The following GCKR variants were observed in gnomAD, a reference collection of about 807,000 sequenced individuals.
The protein encoded by GCKR is glucokinase regulator, also known as glucokinase regulatory protein.
A neutral mutation model predicts 82.9 loss-of-function variants in GCKR; 73 were observed. The observed-to-expected ratio is 0.88, with a 90% CI of 0.73 to 1.07. The LOEUF (loss-of-function observed/expected upper bound fraction) is 1.07, where lower values mean the gene tolerates loss of function less well. GCKR is among the 50% of genes least tolerant of loss of function. The pLI is 0.00. For missense variants in GCKR, 784 were observed against 782.1 expected (o/e 1.00, Z -0.03); for synonymous variants, 294 against 291.8 (o/e 1.01, Z -0.08).
intron 16 of GCKR, among the ~76,000 whole-genome samples, chr2:27,512,420 A>G (rs776477106): frequency 1.3e-5 from 2 of 151,426 alleles, no homozygotes; most frequent in African/African-American, 4.9e-5. Context: ...TCATAGTCCC[A>G]GCTACTCGGG....
At chr2:27,517,909 T>A (rs1265788583) in intron 16 of GCKR, among the ~76,000 whole-genome samples, 2 of 152,208 alleles carry the variant, frequency 1.3e-5, no homozygotes, top group Admixed American at 1.3e-4. Flanking sequence ...AGGTCCTCAT[T>A]CTCCATCTCG....
chr2:27,522,695 C>G, intron 18 of GCKR, 101 bp downstream of exon 18: 3 of 987,970 alleles, frequency 3.0e-6, no homozygotes, highest in South Asian at 2.6e-5. Flanking sequence ...CAGTGGCACT[C>G]TGCTCACAAG....
chr2:27,497,074 C>G, intron 1 of GCKR, 110 bp downstream of exon 1: 2 of 1,219,430 alleles, frequency 1.6e-6, no homozygotes, highest in Non-Finnish European at 2.4e-6. Context: ...TCCTGATGTT[C>G]TTTCCCTAAT....
intron 8 of GCKR, among the ~76,000 whole-genome samples, chr2:27,502,047 G>A (rs1669595705): frequency 6.6e-6 from 1 of 152,156 alleles, no homozygotes; most frequent in Non-Finnish European, 1.5e-5. Context: ...ACCTGACAAA[G>A]CTGAGGGCTT....
At position 27,501,232 on chromosome 2, in the gene GCKR, G is replaced by C. The variant is rs1337287614; in HGVS notation, c.644+3G>C. 2 of 1,601,018 alleles carry C rather than the reference G, an allele frequency of 1.2e-6. No homozygotes were observed. Among genetic ancestry groups the C allele is most frequent in the Non-Finnish European group, 1.7e-6 (2 of 1,168,024 alleles). Reference sequence around the variant, plus strand: ...TTCAATCCAGTGAGCATGGCCAGGTGAGCCTTCTGGAATGACTGGGCAGCC... The same window carrying C: ...TTCAATCCAGTGAGCATGGCCAGGTCAGCCTTCTGGAATGACTGGGCAGCC... On this transcript the variant is annotated splice_donor_region_variant and intron_variant, in intron 8 of 18. Coordinates refer to ENST00000264717, the MANE Select transcript of GCKR (RefSeq NM_001486.4).
intron 2 of GCKR, 69 bp downstream of exon 2, chr2:27,497,468 T>C: frequency 1.3e-6 from 2 of 1,586,680 alleles, no homozygotes; most frequent in Non-Finnish European, 1.7e-6. Context: ...CTGCTCTCCC[T>C]CACCATGGCT....
intron 16 of GCKR, 121 bp downstream of exon 16, chr2:27,508,372 C>A: frequency 1.4e-6 from 1 of 739,106 alleles, no homozygotes; most frequent in Non-Finnish European, 2.5e-6. Flanking sequence ...CCTCACAAAG[C>A]CAGCTGGGCA....
rs1351275223 is a variant in GCKR, at chr2:27,497,251, G to T, written c.68G>T (p.Gly23Val). 2 of 1,614,128 alleles carry T rather than the reference G, an allele frequency of 1.2e-6. No homozygotes were observed. Among genetic ancestry groups the T allele is most frequent in the Non-Finnish European group, 1.7e-6 (2 of 1,180,024 alleles). ...GTCCCCTCTTCCTTCTAGTTGTCTG[G>T]GTACGAGGCAGCTGTGCCAATCACG... ...TPEPGKWELSGYEAAVPITEK... is the reference protein window; with the variant it reads ...TPEPGKWELSVYEAAVPITEK... The change falls in exon 2 of 19, where the codon GGG (glycine) becomes GTG (valine). Residue 23 changes from glycine to valine, a missense_variant. Gly to Val is a moderately radical substitution (Grantham distance 109). Transcript: ENST00000264717.
intron 10 of GCKR, 131 bp from the exon 11 acceptor site, chr2:27,506,350 C>G (rs111255123): frequency 1.2e-5 from 9 of 739,130 alleles, no homozygotes; most frequent in South Asian, 1.2e-4. Flanking sequence ...GGCCTACTCT[C>G]TGCACCTCTC....
chr2:27,522,403 C>G (rs1202351818), intron 17 of GCKR, 57 bp from the exon 18 acceptor site: 5 of 1,588,200 alleles, frequency 3.1e-6, no homozygotes, highest in Non-Finnish European at 4.3e-6. Context: ...TCCCTTGACT[C>G]CATTCTTAGT....
In GCKR at chr2:27,513,186, C is replaced by T. The variant is rs577228535; in HGVS notation, c.1422+4935C>T. ...ATGGTAGTTTTTCAATGGTGATTTTCTATTTCTATCCCTTCCATCTATATT... is the reference window on the plus strand; with the variant it reads ...ATGGTAGTTTTTCAATGGTGATTTTTTATTTCTATCCCTTCCATCTATATT... On this transcript the variant is annotated intron_variant, in intron 16 of 18. Transcript: ENST00000264717. 6.8e-4 allele frequency among the ~76,000 whole-genome samples: 103 copies of T among 152,106 alleles called. 3 individuals carry two copies. Among genetic ancestry groups the T allele is most frequent in the Non-Finnish European group, 5.3e-4 (36 of 68,028 alleles).
In GCKR at chr2:27,518,940, A is replaced by C; in HGVS notation, c.1572+3A>C. On this transcript the variant is annotated splice_donor_region_variant and intron_variant, in intron 17 of 18. Coordinates refer to ENST00000264717, the MANE Select transcript of GCKR (RefSeq NM_001486.4). ...GGCGGGCGCTGGCCATGCTGCAGGT[A>C]GGGATATGATGGGGCAGGGTTGGGT... 1.1e-6 allele frequency: 1 copy of C among 906,176 alleles called. No individual in the cohort carries two copies. The highest frequency in any genetic ancestry group is 1.7e-6 in the Non-Finnish European group (1 of 593,560). The allele number at this position is 906,176 out of a possible 1,614,324, so 56.1% of individuals were successfully genotyped here.
intron 17 of GCKR, 121 bp downstream of exon 17, chr2:27,519,058 T>G (rs902589216): frequency 2.4e-6 from 2 of 828,700 alleles, no homozygotes; most frequent in African/African-American, 3.3e-5. Flanking sequence ...TCTGTGTGCT[T>G]CTGCTCCTCC....
intron 12 of GCKR, 28 bp from the exon 13 acceptor site, chr2:27,507,207 C>A (rs111254198): frequency 4.0e-6 from 6 of 1,482,858 alleles, no homozygotes; most frequent in Non-Finnish European, 5.7e-6. Flanking sequence ...GCCAATCACT[C>A]CTCTCTCCTT....
At chr2:27,507,035 C>T (rs1669765678) in intron 12 of GCKR, 150 bp downstream of exon 12, 1 of 781,678 alleles carries the variant, frequency 1.3e-6, no homozygotes, top group Non-Finnish European at 2.3e-6. Context: ...AATTCTTCTT[C>T]CTTAGAACCC....
chr2:27,522,730 G>T (rs1240311504), intron 18 of GCKR, 136 bp downstream of exon 18: 2 of 782,404 alleles, frequency 2.6e-6, no homozygotes, highest in Non-Finnish European at 4.5e-6. Context: ...TGGGGTCTTT[G>T]GACTGGGTTT....
At chr2:27,509,190 T>G (rs1669820935) in intron 16 of GCKR, among the ~76,000 whole-genome samples, 4 of 152,164 alleles carry the variant, frequency 2.6e-5, no homozygotes, top group African/African-American at 9.6e-5. Context: ...AGATGTGGTC[T>G]CTTATTCGTT....
Position 27,523,350 on chromosome 2 carries a change from G to C in GCKR, c.1789G>C (p.Val597Leu), listed in dbSNP as rs772516689. ...AQAHLAAAPS[V>L]CEAVRSALAG... ...GGCACACCTGGCTGCAGCTCCTTCT[G>C]TCTGTGAGGCTGTCAGGAGTGCTCT... The change falls in exon 19 of 19, where the codon GTC (valine) becomes CTC (leucine). Residue 597 changes from valine (V) to leucine (L), a missense_variant. Val to Leu is a conservative substitution (Grantham distance 32). Coordinates refer to ENST00000264717, the MANE Select transcript of GCKR (RefSeq NM_001486.4). 13 of 1,612,844 alleles carry C rather than the reference G, an allele frequency of 8.1e-6. No individual in the cohort carries two copies. Among genetic ancestry groups the C allele is most frequent in the African/African-American group, 1.3e-5 (1 of 74,936 alleles).
At chr2:27,497,527 TTTC>T (rs1669444739) in intron 2 of GCKR, 32 bp from the exon 3 acceptor site, 1 of 1,586,998 alleles carries the variant, frequency 6.3e-7, no homozygotes, top group African/African-American at 1.3e-5. Flanking sequence ...TCGTCCTCCT[TTTC>T]TTGGCTTCTC....
Sources: allele counts gnomAD v4.1 joint callset (sites outside exome capture counted in the v4.1 genomes callset), GRCh38; gene constraint gnomAD v4.1.1; transcripts MANE v1.5; gene names NCBI Gene and HGNC (gene_info 2026-07-23, HGNC 2026-07-21).